Variants in MGAT4C observed in about 807,000 individuals in gnomAD.
MGAT4C encodes alpha-1,3-mannosyl-glycoprotein 4-beta-N-acetylglucosaminyltransferase C.
MGAT4C carries 19 observed loss-of-function variants against 40.1 expected under a neutral mutation model. That is an observed-to-expected ratio of 0.47 (90% CI 0.33 to 0.70). The LOEUF (loss-of-function observed/expected upper bound fraction) is 0.70. MGAT4C is among the 30% of genes least tolerant of loss of function. The pLI, the probability that MGAT4C is intolerant of heterozygous loss-of-function variation, is 0.02. For missense variants in MGAT4C, 491 were observed against 563.2 expected, an observed-to-expected ratio of 0.87 and a Z score of 1.30; for synonymous variants, 181 against 187.1, an observed-to-expected ratio of 0.97 and a Z score of 0.27.
At chr12:86,285,725 T>A (rs1253692063) in intron 4 of MGAT4C, among the ~76,000 whole-genome samples, 3 of 152,006 alleles carry the variant, frequency 2.0e-5, no homozygotes, top group Non-Finnish European at 4.4e-5. Flanking sequence ...TGTAAAGATC[T>A]GTGTAAGATA....
chr12:86,630,720 T>G (rs1004663285), intron 2 of MGAT4C, among the ~76,000 whole-genome samples: 1 of 152,156 alleles, frequency 6.6e-6, no homozygotes, highest in East Asian at 1.9e-4. Flanking sequence ...TGCTAAAAAC[T>G]CTCAATAAAC....
chr12:86,523,052 G>C (rs1958822152), intron 2 of MGAT4C, among the ~76,000 whole-genome samples: 1 of 151,922 alleles, frequency 6.6e-6, no homozygotes, highest in African/African-American at 2.4e-5. Context: ...AACAATTCCT[G>C]GATTAGTTGA....
chr12:86,504,290 A>G (rs1345435048), intron 2 of MGAT4C, among the ~76,000 whole-genome samples: 1 of 152,162 alleles, frequency 6.6e-6, no homozygotes, highest in Non-Finnish European at 1.5e-5. Flanking sequence ...ACACCTGGGC[A>G]TATAACCAAA....
chr12:86,151,712 C>T (rs1341769214), intron 1 of MGAT4C, among the ~76,000 whole-genome samples: 1 of 152,146 alleles, frequency 6.6e-6, no homozygotes, highest in Non-Finnish European at 1.5e-5. Context: ...TTAAAAATAT[C>T]ATGTTTTAAT....
At chr12:86,598,533 G>A (rs1961630861) in intron 2 of MGAT4C, among the ~76,000 whole-genome samples, 1 of 151,996 alleles carries the variant, frequency 6.6e-6, no homozygotes, top group African/African-American at 2.4e-5. Context: ...AACTTCAAAG[G>A]AAAGCTACTC....
intron 2 of MGAT4C, among the ~76,000 whole-genome samples, chr12:86,629,837 A>G (rs1962968944): frequency 2.0e-5 from 3 of 152,204 alleles, no homozygotes; most frequent in Admixed American, 2.0e-4. Flanking sequence ...CATCACAATT[A>G]AAAGAACTAG....
intron 4 of MGAT4C, among the ~76,000 whole-genome samples, chr12:86,266,791 T>G (rs1308179215): frequency 1.3e-5 from 2 of 152,166 alleles, no homozygotes; most frequent in Non-Finnish European, 2.9e-5. Context: ...AAGATTTTTT[T>G]TTTTATTACT....
intron 1 of MGAT4C, among the ~76,000 whole-genome samples, chr12:86,087,569 A>ATAC (rs1872102019): frequency 6.6e-6 from 1 of 152,098 alleles, no homozygotes; most frequent in Non-Finnish European, 1.5e-5. Flanking sequence ...TTGTATCCTG[A>ATAC]AACTTTGCTG....
chr12:86,117,629 C>A (rs79855856), intron 1 of MGAT4C, among the ~76,000 whole-genome samples: 1 of 152,214 alleles, frequency 6.6e-6, no homozygotes, highest in Non-Finnish European at 1.5e-5. Context: ...AAATAAAACT[C>A]CTTTCACCAA....
In MGAT4C at chr12:86,454,836, TA is replaced by T. The variant is rs201476809; in HGVS notation, c.-228-19572del. 6.7e-3 allele frequency among the ~76,000 whole-genome samples: 1,019 copies of T among 152,256 alleles called. 11 individuals carry two copies. Among genetic ancestry groups the T allele is most frequent in the African/African-American group, 0.023 (972 of 41,550 alleles). On this transcript the variant is annotated intron_variant, in intron 2 of 7. Coordinates refer to the MGAT4C transcript ENST00000548651. ...TGAAGACATTCATATGAAATCTGTGTAAATTCAAGGTCCAAAATTGAGATAT... is the reference window on the plus strand; with the variant it reads ...TGAAGACATTCATATGAAATCTGTGTAATTCAAGGTCCAAAATTGAGATAT...
Position 86,454,210 on chromosome 12 carries a change from C to T in MGAT4C, c.-228-18945G>A, listed in dbSNP as rs539767815. Among the ~76,000 whole-genome samples, 136 of 152,172 alleles carry T rather than the reference C, an allele frequency of 8.9e-4. 1 individual carries two copies. Among genetic ancestry groups the T allele is most frequent in the African/African-American group, 3.2e-3 (134 of 41,542 alleles). ...GAAAATCAGACAATTATTGATATGT[C>T]ATAATTTATATGCAATTATTACATC... On this transcript the variant is annotated intron_variant, in intron 2 of 7. Transcript: ENST00000548651.
chr12:86,802,736 T>A (rs1431839359), intron 1 of MGAT4C, among the ~76,000 whole-genome samples: 2 of 146,372 alleles, frequency 1.4e-5, no homozygotes, highest in Non-Finnish European at 3.0e-5. Context: ...CAAGGAGAAC[T>A]ACAAACCACT....
intron 2 of MGAT4C, chr12:86,601,248 G>T (rs1418762576): frequency 6.6e-6 from 1 of 152,290 alleles, no homozygotes; most frequent in East Asian, 1.9e-4. Flanking sequence ...CTGACCTTCA[G>T]GCCTGGCGGC....
intron 2 of MGAT4C, among the ~76,000 whole-genome samples, chr12:86,536,254 C>T (rs1003790787): frequency 6.6e-6 from 1 of 152,078 alleles, no homozygotes; most frequent in South Asian, 2.1e-4. Flanking sequence ...ATAACAGTCA[C>T]CTATAATCAT....
chr12:86,694,546 T>C (rs1332269607), intron 2 of MGAT4C, among the ~76,000 whole-genome samples: 1 of 152,160 alleles, frequency 6.6e-6, no homozygotes, highest in Non-Finnish European at 1.5e-5. Context: ...ATTTTTTCCT[T>C]GATTGATGTA....
intron 4 of MGAT4C, among the ~76,000 whole-genome samples, chr12:86,326,598 A>G (rs1281017484): frequency 2.6e-5 from 4 of 152,138 alleles, no homozygotes; most frequent in Admixed American, 6.6e-5. Flanking sequence ...AAGAGTAAAT[A>G]ACTAGTTTAG....
Position 86,558,415 on chromosome 12 carries a change from G to T in MGAT4C, c.-228-123150C>A, listed in dbSNP as rs115236723. Among the ~76,000 whole-genome samples, 454 of 152,142 alleles carry T rather than the reference G, an allele frequency of 3.0e-3. 2 individuals carry two copies. Among genetic ancestry groups the T allele is most frequent in the African/African-American group, 0.01 (433 of 41,526 alleles). Reference sequence around the variant, plus strand: ...CCCCAAAGCACATTATAGTCAAATGGAGAAAAGTCAAGGACAAAGAAAAAG... The same window carrying T: ...CCCCAAAGCACATTATAGTCAAATGTAGAAAAGTCAAGGACAAAGAAAAAG... On this transcript the variant is annotated intron_variant, in intron 2 of 7. Transcript: ENST00000548651.
At chr12:86,499,110 T>C (rs1239334457) in intron 2 of MGAT4C, among the ~76,000 whole-genome samples, 1 of 151,944 alleles carries the variant, frequency 6.6e-6, no homozygotes, top group African/African-American at 2.4e-5. Context: ...GAATACAGTA[T>C]GTAACATATA....
intron 1 of MGAT4C, among the ~76,000 whole-genome samples, chr12:86,807,595 T>C (rs1274153609): frequency 6.6e-6 from 1 of 152,138 alleles, no homozygotes; most frequent in South Asian, 2.1e-4. Flanking sequence ...TAAGTGTGCA[T>C]GTATCTTTGT....
Sources: gnomAD v4.1 joint callset for allele counts (sites outside exome capture counted in the v4.1 genomes callset) on GRCh38, gnomAD v4.1.1 for gene constraint, MANE v1.5 for transcripts, NCBI Gene and HGNC (gene_info 2026-07-23, HGNC 2026-07-21) for gene names.